The following SLC9B1 variants were observed in gnomAD, a reference collection of about 807,000 sequenced individuals.
The protein encoded by SLC9B1 is solute carrier family 9 member B1, also known as sodium/hydrogen exchanger 9B1.
A neutral mutation model predicts 51.7 loss-of-function variants in SLC9B1; 32 were observed. That is an observed-to-expected ratio of 0.62 (90% CI 0.47 to 0.83). SLC9B1 has a LOEUF of 0.83. Among genes scored for constraint, SLC9B1 ranks in the 40% least tolerant of loss-of-function variants. The pLI, the probability that SLC9B1 is intolerant of heterozygous loss-of-function variation, is 0.00. For synonymous variants in SLC9B1, 145 were observed against 212.7 expected (o/e 0.68, Z 2.77); for missense variants, 406 against 613.2 (o/e 0.66, Z 3.57).
At chr4:102,923,581 T>G (rs1735996527) in intron 7 of SLC9B1, among the ~76,000 whole-genome samples, 3 of 151,972 alleles carry the variant, frequency 2.0e-5, no homozygotes, top group South Asian at 2.1e-4. Context: ...GGGAAGAGAA[T>G]GAAATAAAGG....
chr4:102,885,524 G>T (rs968463302), intron 11 of SLC9B1: 6 of 955,966 alleles, frequency 6.3e-6, no homozygotes, highest in African/African-American at 4.9e-5. Context: ...TAAGATGAGA[G>T]AATTTTCTGT....
intron 3 of SLC9B1, among the ~76,000 whole-genome samples, chr4:102,964,188 G>A (rs1173991830): frequency 2.7e-5 from 4 of 150,896 alleles, no homozygotes; most frequent in Non-Finnish European, 5.9e-5. Flanking sequence ...CAAAAAATTC[G>A]ACAACTTAGA....
At chr4:102,977,718 G>C (rs952015701) in intron 3 of SLC9B1, among the ~76,000 whole-genome samples, 8 of 151,988 alleles carry the variant, frequency 5.3e-5, no homozygotes, top group East Asian at 1.9e-4. Context: ...GCCCCAGCTG[G>C]GTGCAGTATA....
At chr4:102,896,070 C>T (rs1413342096), downstream of SLC9B1, among the ~76,000 whole-genome samples, 3 of 152,200 alleles carry the variant, frequency 2.0e-5, no homozygotes, top group Non-Finnish European at 4.4e-5. Context: ...CCAAAATCTG[C>T]CTGCCACAGA....
chr4:102,947,343 G>A (rs1467690635), intron 4 of SLC9B1, among the ~76,000 whole-genome samples: 2 of 152,188 alleles, frequency 1.3e-5, no homozygotes, highest in Non-Finnish European at 2.9e-5. Context: ...GCAGAGATAA[G>A]ATGTAGAGAT....
chr4:102,938,287 G>C (rs201785589), intron 6 of SLC9B1, among the ~76,000 whole-genome samples: 2 of 152,152 alleles, frequency 1.3e-5, no homozygotes, highest in East Asian at 1.9e-4. Flanking sequence ...AGGGCACTAC[G>C]TAATGATAAA....
chr4:102,958,682 G>A (rs1164254529), intron 3 of SLC9B1, among the ~76,000 whole-genome samples: 2 of 152,140 alleles, frequency 1.3e-5, no homozygotes, highest in Admixed American at 1.3e-4. Flanking sequence ...CAGCACTTTG[G>A]GAGGCCGTGG....
intron 1 of SLC9B1, among the ~76,000 whole-genome samples, chr4:103,016,155 G>GAAAAAAAAAAAAAAAAA (rs1286956791): frequency 6.7e-4 from 50 of 74,230 alleles, no homozygotes; most frequent in Middle Eastern, 7.1e-3. Context: ...AAAAAAAAAG[G>GAAAAAAAAAAAAAAAAA]AAAGTATATG....
chr4:102,983,992 CT>C (rs1436065024), intron 3 of SLC9B1, among the ~76,000 whole-genome samples: 1 of 151,938 alleles, frequency 6.6e-6, no homozygotes, highest in Admixed American at 6.6e-5. Flanking sequence ...TTAGATCTTT[CT>C]TTTTTTCTAT....
At chr4:102,934,227 T>G (rs1736603936) in intron 6 of SLC9B1, among the ~76,000 whole-genome samples, 1 of 152,106 alleles carries the variant, frequency 6.6e-6, no homozygotes, top group Non-Finnish European at 1.5e-5. Context: ...TCAAGTAAAC[T>G]TAAGAAAACA....
chr4:102,891,543 G>A (rs1578322103), intron 11 of SLC9B1: 1 of 152,316 alleles, frequency 6.6e-6, no homozygotes, highest in African/African-American at 2.4e-5. Flanking sequence ...GGCAGGATAT[G>A]TGTTGCATTT....
chr4:103,015,166 T>C (rs1741253894), intron 1 of SLC9B1, among the ~76,000 whole-genome samples: 1 of 151,574 alleles, frequency 6.6e-6, no homozygotes, highest in East Asian at 1.9e-4. Context: ...TTGATGGAAA[T>C]GGTTAAAAAT....
downstream of SLC9B1, among the ~76,000 whole-genome samples, chr4:102,899,761 ATAG>A (rs1213158748): frequency 1.3e-5 from 2 of 152,166 alleles, no homozygotes; most frequent in Non-Finnish European, 2.9e-5. Context: ...CATGATTTAA[ATAG>A]TAGTCAAAAC....
intron 11 of SLC9B1, chr4:102,889,946 G>A (rs1376755957): frequency 6.6e-6 from 1 of 151,644 alleles, no homozygotes; most frequent in African/African-American, 2.4e-5. Flanking sequence ...ACATGTCTTC[G>A]GTTTCTAGAG....
At chr4:102,896,099 G>C (rs2110415631), downstream of SLC9B1, among the ~76,000 whole-genome samples, 1 of 152,284 alleles carries the variant, frequency 6.6e-6, no homozygotes, top group South Asian at 2.1e-4. Context: ...AGGCTGTAAA[G>C]ACCCCAGGCT....
chr4:102,982,024 C>T (rs771886456), intron 3 of SLC9B1, among the ~76,000 whole-genome samples: 1 of 151,646 alleles, frequency 6.6e-6, no homozygotes, highest in Admixed American at 6.6e-5. Context: ...ATTTATAGAT[C>T]TGTGTTTTAC....
intron 6 of SLC9B1, among the ~76,000 whole-genome samples, chr4:102,936,084 C>A (rs1288830771): frequency 6.6e-6 from 1 of 152,152 alleles, no homozygotes; most frequent in Non-Finnish European, 1.5e-5. Context: ...AAGGGCCAGA[C>A]AACAAATCTG....
intron 3 of SLC9B1, among the ~76,000 whole-genome samples, chr4:102,981,650 C>T (rs1342867249): frequency 6.6e-6 from 1 of 152,110 alleles, no homozygotes; most frequent in Non-Finnish European, 1.5e-5. Flanking sequence ...ATCTGTATAT[C>T]TTATTTCGTG....
chr4:102,975,584 A>ATTTTTTTTTTTTTT lies in SLC9B1; in HGVS notation c.211+14215_211+14216insAAAAAAAAAAAAAA, dbSNP rs1466561136. On this transcript the variant is annotated intron_variant, in intron 3 of 11. Coordinates refer to ENST00000296422, the MANE Select transcript of SLC9B1 (RefSeq NM_139173.4). ...TATATACATATATATATATATATATATATTTTTTTTTTTTTTTTTTTTTTT... is the reference window on the plus strand; with the variant it reads ...TATATACATATATATATATATATATATTTTTTTTTTTTTTTATTTTTTTTTTTTTTTTTTTTTTT... Among the ~76,000 whole-genome samples the ATTTTTTTTTTTTTT allele has an allele frequency of 2.2e-4, 18 of 80,158 alleles. 2 individuals carry two copies. Among genetic ancestry groups the ATTTTTTTTTTTTTT allele is most frequent in the East Asian group, 7.3e-4 (2 of 2,732 alleles). 52.6% of individuals were successfully genotyped at this position (80,158 alleles called of 152,430 possible). A position where few individuals can be genotyped will look rare whatever the true frequency, so the allele number is the denominator to read the frequency against.
Sources: gnomAD v4.1 joint callset for allele counts (sites outside exome capture counted in the v4.1 genomes callset) on GRCh38, gnomAD v4.1.1 for gene constraint, MANE v1.5 for transcripts, NCBI Gene and HGNC (gene_info 2026-07-23, HGNC 2026-07-21) for gene names.